GRB2: variants seen among roughly 807,000 people sequenced by gnomAD.
The protein encoded by GRB2 is growth factor receptor-bound protein 2.
Under a neutral mutation model 27.4 loss-of-function variants are expected in GRB2, and 2 were observed. The ratio of observed to expected loss-of-function variants is 0.07; its 90% CI spans 0.03 to 0.23. GRB2 has a LOEUF of 0.23. GRB2 is among the 10% of genes least tolerant of loss of function. The pLI is 1.00. For synonymous variants in GRB2, 94 were observed against 99.6 expected (o/e 0.94, Z 0.33); for missense variants, 102 against 282.4 (o/e 0.36, Z 4.58).
At chr17:75,404,822 T>C (rs1268315904) in intron 1 of GRB2, 1 of 152,172 alleles carries the variant, frequency 6.6e-6, no homozygotes, top group Non-Finnish European at 1.5e-5. Flanking sequence ...AAACAAGCCA[T>C]AACTCATGTG....
At chr17:75,391,035 T>TC (rs1276050641) in intron 2 of GRB2, among the ~76,000 whole-genome samples, 1 of 152,130 alleles carries the variant, frequency 6.6e-6, no homozygotes, top group African/African-American at 2.4e-5. Flanking sequence ...TGAGGAAAAC[T>TC]CCGTTTTTTT....
chr17:75,320,066 G>T lies in GRB2; in HGVS notation c.*302C>A. On this transcript the variant is annotated 3_prime_UTR_variant, in exon 6 of 6. Transcript: ENST00000316804. This position sits in a 1 kb window ranked among gnomAD's most constrained non-coding sequence, Gnocchi z 4.3. ...GCTAGGACTATACGTGGCCTTAAAC[G>T]TCATGCACTGATGGACAGAAGAGAA... The T allele has an allele frequency of 3.3e-6, 1 of 302,536 alleles. No individual in the cohort carries two copies. Among genetic ancestry groups the T allele is most frequent in the East Asian group, 6.8e-5 (1 of 14,760 alleles). The allele number at this position is 302,536 out of a possible 1,614,324, so 18.7% of individuals were successfully genotyped here. A position where few individuals can be genotyped will look rare whatever the true frequency, so the allele number is the denominator to read the frequency against.
intron 5 of GRB2, among the ~76,000 whole-genome samples, chr17:75,321,169 CTTTTTTTTTTTTTTTTT>C (rs61287852): frequency 8.3e-6 from 1 of 120,064 alleles, no homozygotes; most frequent in African/African-American, 3.8e-5. Context: ...AACAACAAAT[CTTTTTTTTTTTTTTTTT>C]TTTTTTTTGA....
chr17:75,338,862 T>C, intron 2 of GRB2: 1 of 781,204 alleles, frequency 1.3e-6, no homozygotes, highest in South Asian at 1.3e-5. Context: ...GGACTTTCTC[T>C]AAGAAGTGTG....
chr17:75,350,017 T>A (rs2078679727), intron 2 of GRB2, among the ~76,000 whole-genome samples: 1 of 150,260 alleles, frequency 6.7e-6, no homozygotes, highest in Admixed American at 6.7e-5. Flanking sequence ...AGTAATGCCA[T>A]TCTTAGGACT....
intron 1 of GRB2, among the ~76,000 whole-genome samples, chr17:75,396,716 C>T (rs577524907): frequency 6.6e-6 from 1 of 152,200 alleles, no homozygotes; most frequent in South Asian, 2.1e-4. Context: ...AATGAATGCT[C>T]CAAAATCTCT....
chr17:75,382,703 TTTTA>T (rs3082679), intron 2 of GRB2, among the ~76,000 whole-genome samples: 4 of 150,816 alleles, frequency 2.7e-5, no homozygotes, highest in South Asian at 2.1e-4. Context: ...ATCCTAAGAT[TTTTA>T]TTTATTTATT....
At chr17:75,362,799 T>C (rs1467887775) in intron 2 of GRB2, among the ~76,000 whole-genome samples, 1 of 152,144 alleles carries the variant, frequency 6.6e-6, no homozygotes, top group Non-Finnish European at 1.5e-5. Flanking sequence ...TGGGCCAATC[T>C]TAAAAAGGGC....
intron 2 of GRB2, among the ~76,000 whole-genome samples, chr17:75,390,472 A>T (rs560123706): frequency 2.6e-5 from 4 of 152,132 alleles, no homozygotes; most frequent in Non-Finnish European, 5.9e-5. Context: ...TTCCAACCAC[A>T]CCAGGCCTGA....
chr17:75,322,264 C>T (rs62090283), intron 4 of GRB2, among the ~76,000 whole-genome samples: 4 of 151,058 alleles, frequency 2.6e-5, no homozygotes, highest in African/African-American at 9.7e-5. Context: ...CCCAGCTACT[C>T]GGGAGGCTGA....
At chr17:75,337,898 CTACTATTATTATTATTAT>C (rs1214722113) in intron 2 of GRB2, among the ~76,000 whole-genome samples, 66 of 133,548 alleles carry the variant, frequency 4.9e-4, no homozygotes, top group African/African-American at 1.4e-3. Context: ...ACTACTACTA[CTACTATTATTATTATTAT>C]TATTATTATT....
chr17:75,324,366 A>ATTTT (rs1156329058), intron 4 of GRB2, among the ~76,000 whole-genome samples: 48 of 93,596 alleles, frequency 5.1e-4, no homozygotes, highest in African/African-American at 1.5e-3. Context: ...CCATTTTTGT[A>ATTTT]TTTTTTTTTT....
intron 2 of GRB2, among the ~76,000 whole-genome samples, chr17:75,378,983 C>G (rs1274215477): frequency 6.6e-6 from 1 of 152,162 alleles, no homozygotes; most frequent in Admixed American, 6.6e-5. Context: ...TTCTAAGAGC[C>G]TGGCACAGAA....
rs576978475 is a variant in GRB2 at position 75,337,411 on chromosome 17, CA to C, written c.79-4615del. Among the ~76,000 whole-genome samples, 352 of 150,736 alleles carry C rather than the reference CA, an allele frequency of 2.3e-3. 2 individuals carry two copies. The highest frequency in any genetic ancestry group is 8.3e-3 in the African/African-American group (342 of 41,170). Reference sequence around the variant, plus strand: ...AAAAAAAAAAGAAAGAAAAAGAAAACAAAACAGCAAAGAACACAAATGAATG... The same window carrying C: ...AAAAAAAAAAGAAAGAAAAAGAAAACAAACAGCAAAGAACACAAATGAATG... On this transcript the variant is annotated intron_variant, in intron 2 of 5. Coordinates refer to ENST00000316804, the MANE Select transcript of GRB2 (RefSeq NM_002086.5).
intron 2 of GRB2, among the ~76,000 whole-genome samples, chr17:75,337,634 A>G (rs1466823619): frequency 1.3e-5 from 2 of 149,470 alleles, no homozygotes; most frequent in African/African-American, 2.5e-5. Context: ...GCAGTGGCAC[A>G]ATCTCGGCTC....
At chr17:75,340,744 C>T (rs2078615256) in intron 2 of GRB2, among the ~76,000 whole-genome samples, 1 of 152,112 alleles carries the variant, frequency 6.6e-6, no homozygotes, top group Non-Finnish European at 1.5e-5. Flanking sequence ...TAAATAAGTG[C>T]TTCACAATCA....
chr17:75,342,939 C>T (rs2145834293), intron 2 of GRB2, among the ~76,000 whole-genome samples: 1 of 150,622 alleles, frequency 6.6e-6, no homozygotes, highest in East Asian at 2.0e-4. Context: ...GTCCCAACTA[C>T]TCAGGAGGCT....
chr17:75,327,228 G>A (rs150941454), intron 3 of GRB2, among the ~76,000 whole-genome samples: 8 of 151,194 alleles, frequency 5.3e-5, no homozygotes, highest in African/African-American at 1.2e-4. Flanking sequence ...ATAGGCGCCC[G>A]CCACCATGCC....
intron 2 of GRB2, among the ~76,000 whole-genome samples, chr17:75,366,729 C>G (rs1469253310): frequency 1.3e-5 from 2 of 152,012 alleles, no homozygotes; most frequent in African/African-American, 2.4e-5. Flanking sequence ...AGGATCACCT[C>G]TGAGCCCAGG....
Sources: gnomAD v4.1 joint callset for allele counts (sites outside exome capture counted in the v4.1 genomes callset) on GRCh38, gnomAD v4.1.1 for gene constraint, Gnocchi (gnomAD v3.1) non-coding constraint, MANE v1.5 for transcripts, NCBI Gene and HGNC (gene_info 2026-07-23, HGNC 2026-07-21) for gene names.